Variants in FBXL17 observed in about 807,000 individuals in gnomAD.
The protein encoded by FBXL17 is F-box/LRR-repeat protein 17.
FBXL17 carries 22 observed loss-of-function variants against 66.2 expected under a neutral mutation model. The ratio of observed to expected loss-of-function variants is 0.33; its 90% CI spans 0.24 to 0.47. The LOEUF is 0.47. Among genes scored for constraint, FBXL17 ranks in the 20% least tolerant of loss-of-function variants. The pLI is 1.00. For synonymous variants in FBXL17, 474 were observed against 400.5 expected, an observed-to-expected ratio of 1.18 and a Z score of -2.19; for missense variants, 878 against 948.2, an observed-to-expected ratio of 0.93 and a Z score of 0.97.
intron 6 of FBXL17, among the ~76,000 whole-genome samples, chr5:108,117,627 T>G (rs1322429459): frequency 6.6e-6 from 1 of 152,144 alleles, no homozygotes; most frequent in Non-Finnish European, 1.5e-5. Flanking sequence ...CATTAATTTC[T>G]CTAATCAAAA....
At chr5:107,930,076 C>G (rs1750680021) in intron 7 of FBXL17, among the ~76,000 whole-genome samples, 1 of 152,158 alleles carries the variant, frequency 6.6e-6, no homozygotes, top group Non-Finnish European at 1.5e-5. Flanking sequence ...TATCCCCAAC[C>G]ATTCTGTACA....
At chr5:108,345,642 T>G (rs112127387) in intron 4 of FBXL17, among the ~76,000 whole-genome samples, 13 of 150,702 alleles carry the variant, frequency 8.6e-5, no homozygotes, top group African/African-American at 3.2e-4. Context: ...AGAACAAAAA[T>G]GTAAAATAAA....
intron 6 of FBXL17, among the ~76,000 whole-genome samples, chr5:108,126,860 T>C (rs757712659): frequency 2.1e-4 from 32 of 151,396 alleles, no homozygotes; most frequent in Non-Finnish European, 3.7e-4. Context: ...AAGAAAAAAA[T>C]GCCATTGAGA....
chr5:108,270,445 T>A (rs1757220759), intron 4 of FBXL17, among the ~76,000 whole-genome samples: 1 of 148,240 alleles, frequency 6.7e-6, no homozygotes, highest in African/African-American at 2.4e-5. Context: ...TATAATTAAA[T>A]ATAATTTATA....
intron 6 of FBXL17, among the ~76,000 whole-genome samples, chr5:108,129,822 C>A (rs926157549): frequency 9.2e-5 from 14 of 151,754 alleles, no homozygotes; most frequent in African/African-American, 3.4e-4. Context: ...TCTTTTACAT[C>A]TAAAATAATG....
At chr5:108,324,880 T>A (rs890226135) in intron 4 of FBXL17, among the ~76,000 whole-genome samples, 7 of 151,994 alleles carry the variant, frequency 4.6e-5, no homozygotes, top group Non-Finnish European at 7.4e-5. Flanking sequence ...AAGCCAGTCA[T>A]GAAAAGGCAA....
intron 4 of FBXL17, among the ~76,000 whole-genome samples, chr5:108,282,275 A>G (rs1038987012): frequency 6.6e-6 from 1 of 151,878 alleles, no homozygotes; most frequent in Non-Finnish European, 1.5e-5. Flanking sequence ...TCCTCAACAT[A>G]CTAGCAAACC....
At chr5:108,091,012 G>C (rs894043750) in intron 6 of FBXL17, among the ~76,000 whole-genome samples, 4 of 152,142 alleles carry the variant, frequency 2.6e-5, no homozygotes, top group Non-Finnish European at 5.9e-5. Flanking sequence ...CCTCTGTTGG[G>C]TGTGCGTGGG....
chr5:107,949,721 T>G (rs1751436164), intron 7 of FBXL17, among the ~76,000 whole-genome samples: 1 of 152,204 alleles, frequency 6.6e-6, no homozygotes, highest in South Asian at 2.1e-4. Context: ...TACTAAGCAC[T>G]TAATGATATG....
chr5:108,226,533 C>A (rs964083576), intron 4 of FBXL17, among the ~76,000 whole-genome samples: 5 of 152,074 alleles, frequency 3.3e-5, no homozygotes, highest in Non-Finnish European at 7.3e-5. Flanking sequence ...CATTTTTACA[C>A]CAGTGACTCA....
intron 7 of FBXL17, among the ~76,000 whole-genome samples, chr5:108,005,093 CT>C (rs35383958): frequency 0.22 from 32,080 of 143,642 alleles, 3,737 homozygotes; most frequent in Non-Finnish European, 0.28. Flanking sequence ...TTTTCAATGA[CT>C]TTTTTTTTTT....
rs1434070349 is a variant in FBXL17 at position 108,348,389 on chromosome 5, A to G, written c.1506+10T>C. 6.2e-7 allele frequency: 1 copy of G among 1,609,660 alleles called. No individual in the cohort carries two copies. The highest frequency in any genetic ancestry group is 1.7e-5 in the Admixed American group (1 of 59,946). On this transcript the variant is annotated intron_variant, in intron 4 of 8. Transcript: ENST00000542267. ...AAATGAACAATACAAGGATGATAAC[A>G]AGTACTTACTAATTTGTTTTCCTGC... is the stretch of plus-strand genomic sequence containing the variant.
Position 107,859,287 on chromosome 5 carries a change from A to G in FBXL17, c.*2433T>C, listed in dbSNP as rs939634720. The stretch of plus-strand genomic sequence containing the variant: ...ATTCTAAGCAAAAAAAAGAAACTCT[A>G]TATTGCCCAGAAAAATTATTTTAAG... On this transcript the variant is annotated 3_prime_UTR_variant, in exon 9 of 9. Coordinates refer to ENST00000542267, the MANE Select transcript of FBXL17 (RefSeq NM_001163315.3). The G allele has an allele frequency of 1.3e-5, 2 of 151,532 alleles. No individual in the cohort carries two copies. The highest frequency in any genetic ancestry group is 2.4e-5 in the African/African-American group (1 of 41,234). 9.4% of individuals were successfully genotyped at this position (151,532 alleles called of 1,614,324 possible).
At chr5:108,190,281 T>C (rs1580585527) in intron 5 of FBXL17, among the ~76,000 whole-genome samples, 1 of 152,344 alleles carries the variant, frequency 6.6e-6, no homozygotes, top group Non-Finnish European at 1.5e-5. Flanking sequence ...CCATTCAGTC[T>C]TCTCCTCTAG....
intron 4 of FBXL17, among the ~76,000 whole-genome samples, chr5:108,336,832 G>T (rs1014048323): frequency 2.6e-5 from 4 of 152,006 alleles, no homozygotes; most frequent in African/African-American, 9.7e-5. Context: ...CACCAATTCA[G>T]TAAATAAAAA....
intron 7 of FBXL17, among the ~76,000 whole-genome samples, chr5:107,932,235 G>T (rs181207402): frequency 6.6e-6 from 1 of 152,246 alleles, no homozygotes; most frequent in East Asian, 1.9e-4. Context: ...ATGTTCACGT[G>T]AATAGAAAGT....
At chr5:107,863,368 T>C (rs1748183709) in intron 8 of FBXL17, among the ~76,000 whole-genome samples, 1 of 151,352 alleles carries the variant, frequency 6.6e-6, no homozygotes, top group Non-Finnish European at 1.5e-5. Flanking sequence ...CTTCTGGTCT[T>C]GGGATCTTTA....
At chr5:108,362,156 T>C (rs1309258515) in intron 3 of FBXL17, among the ~76,000 whole-genome samples, 1 of 152,136 alleles carries the variant, frequency 6.6e-6, no homozygotes, top group Non-Finnish European at 1.5e-5. Context: ...CTGATAGTAC[T>C]CTAAGTAGTT....
intron 7 of FBXL17, among the ~76,000 whole-genome samples, chr5:107,984,981 G>T (rs560048997): frequency 6.6e-6 from 1 of 152,262 alleles, no homozygotes; most frequent in South Asian, 2.1e-4. Context: ...GAATTAGTAT[G>T]GTGTATACAA....
Sources: allele counts gnomAD v4.1 joint callset (sites outside exome capture counted in the v4.1 genomes callset), GRCh38; gene constraint gnomAD v4.1.1; transcripts MANE v1.5; gene names NCBI Gene and HGNC (gene_info 2026-07-23, HGNC 2026-07-21).